FSTL4: variants seen among roughly 807,000 people sequenced by gnomAD.
FSTL4 encodes follistatin-related protein 4.
A neutral mutation model predicts 78.2 loss-of-function variants in FSTL4; 28 were observed. The observed-to-expected ratio is 0.36, with a 90% CI of 0.27 to 0.49. FSTL4 has a LOEUF of 0.49. Ranked by LOEUF, FSTL4 falls within the 20% of genes least tolerant of loss-of-function variation. The pLI is 0.98. For synonymous variants in FSTL4, 422 were observed against 440.5 expected, an observed-to-expected ratio of 0.96 and a Z score of 0.53; for missense variants, 922 against 1,084.9, an observed-to-expected ratio of 0.85 and a Z score of 2.11.
At chr5:133,401,826 A>G (rs974162803) in intron 3 of FSTL4, among the ~76,000 whole-genome samples, 2 of 152,072 alleles carry the variant, frequency 1.3e-5, no homozygotes, top group Non-Finnish European at 2.9e-5. Context: ...GGTCTCAGGT[A>G]GAAGACTAGA....
At chr5:133,515,236 G>T (rs1340164699) in intron 3 of FSTL4, among the ~76,000 whole-genome samples, 1 of 152,026 alleles carries the variant, frequency 6.6e-6, no homozygotes, top group East Asian at 1.9e-4. Flanking sequence ...AAACTAAGAA[G>T]TGGTACAGGG....
the FSTL4 span, among the ~76,000 whole-genome samples, chr5:133,790,640 G>A: frequency 6.6e-6 from 1 of 152,048 alleles, no homozygotes; most frequent in Admixed American, 6.5e-5. Context: ...ATGTCAACAG[G>A]CATCTCAGGA....
chr5:133,822,867 G>A, the FSTL4 span, among the ~76,000 whole-genome samples: 1 of 152,082 alleles, frequency 6.6e-6, no homozygotes, highest in Non-Finnish European at 1.5e-5. Flanking sequence ...AAGATATGTG[G>A]GAAGGAAATG....
At chr5:133,330,355 G>A (rs1754315172) in intron 4 of FSTL4, among the ~76,000 whole-genome samples, 1 of 152,228 alleles carries the variant, frequency 6.6e-6, no homozygotes, top group African/African-American at 2.4e-5. Flanking sequence ...AGCTTCTGGT[G>A]AGGCCTCAGG....
chr5:133,317,100 T>C (rs998836312), intron 4 of FSTL4, among the ~76,000 whole-genome samples: 3 of 148,982 alleles, frequency 2.0e-5, no homozygotes, highest in African/African-American at 7.4e-5. Context: ...GATTAGGGAG[T>C]TTTAGTTAAC....
chr5:133,376,717 C>T lies in FSTL4; in HGVS notation c.409+24021G>A, dbSNP rs960072613. Among the ~76,000 whole-genome samples the T allele has an allele frequency of 3.7e-4, 57 of 152,002 alleles. 1 individual carries two copies. Among genetic ancestry groups the T allele is most frequent in the African/African-American group, 1.2e-3 (50 of 41,438 alleles). ...CAACCTGACCAACATGGTGAAACTC[C>T]GTCTCTACTAAAAATACAAAAATTA... On this transcript the variant is annotated intron_variant, in intron 4 of 15. Coordinates refer to ENST00000265342, the MANE Select transcript of FSTL4 (RefSeq NM_015082.2).
chr5:133,578,086 A>G (rs756911442), intron 2 of FSTL4, among the ~76,000 whole-genome samples: 26 of 152,218 alleles, frequency 1.7e-4, no homozygotes, highest in Admixed American at 3.3e-4. Flanking sequence ...TAAGCCAGAG[A>G]GTTTAAAGGG....
the FSTL4 span, among the ~76,000 whole-genome samples, chr5:133,718,157 A>G: frequency 6.6e-6 from 1 of 151,938 alleles, no homozygotes; most frequent in Non-Finnish European, 1.5e-5. Flanking sequence ...CAGTGGCACA[A>G]TCTTGGCTCA....
chr5:133,612,803 G>C (rs1277729291), upstream of FSTL4, among the ~76,000 whole-genome samples: 1 of 152,152 alleles, frequency 6.6e-6, no homozygotes, highest in Non-Finnish European at 1.5e-5. The surrounding 1 kb of genome is among the most constrained non-coding windows in gnomAD (Gnocchi z 6.2). Context: ...CTTCACCTCT[G>C]CTCTCCTCCA....
chr5:133,756,820 T>A, the FSTL4 span, among the ~76,000 whole-genome samples: 2 of 152,156 alleles, frequency 1.3e-5, no homozygotes, highest in East Asian at 3.9e-4. Context: ...TGGGGGGTTG[T>A]AGTGGGAGGG....
At chr5:133,702,091 G>A in the FSTL4 span, among the ~76,000 whole-genome samples, 3 of 152,178 alleles carry the variant, frequency 2.0e-5, no homozygotes, top group Non-Finnish European at 2.9e-5. Context: ...ATATCCACAT[G>A]TCCCTAAGGA....
At chr5:133,297,624 A>G (rs1753430271) in intron 6 of FSTL4, among the ~76,000 whole-genome samples, 1 of 152,226 alleles carries the variant, frequency 6.6e-6, no homozygotes, top group South Asian at 2.1e-4. Context: ...AACAAATGTC[A>G]CAGCACAGCC....
At chr5:133,715,908 T>C in the FSTL4 span, among the ~76,000 whole-genome samples, 7 of 152,224 alleles carry the variant, frequency 4.6e-5, no homozygotes, top group African/African-American at 1.4e-4. Context: ...GTTCAACCAA[T>C]GCTTATTGAA....
chr5:133,267,055 C>T (rs1405905601), intron 6 of FSTL4, among the ~76,000 whole-genome samples: 1 of 152,244 alleles, frequency 6.6e-6, no homozygotes, highest in Non-Finnish European at 1.5e-5. Context: ...TGTGCTGTGT[C>T]TCCACACGTG....
chr5:133,607,129 G>T (rs17694055), intron 1 of FSTL4, among the ~76,000 whole-genome samples: 35,856 of 152,086 alleles, frequency 0.24, 4,460 homozygotes, highest in Admixed American at 0.33. Flanking sequence ...CAGCTTGTTT[G>T]TAAAGTTTAG....
rs987617559 is a variant in FSTL4, at chr5:133,198,996, T to G, written c.*99A>C. 2.9e-6 allele frequency: 2 copies of G among 679,768 alleles called. No individual in the cohort carries two copies. The highest frequency in any genetic ancestry group is 4.8e-6 in the Non-Finnish European group (2 of 415,248). 42.1% of individuals were successfully genotyped at this position (679,768 alleles called of 1,614,324 possible). On this transcript the variant is annotated 3_prime_UTR_variant, in exon 16 of 16. Transcript: ENST00000265342. ...TGTTGAACCACAAAGCGAGTACAGG[T>G]TTTTGCTTTTGTCTGTAAAAATGTA... is the stretch of plus-strand genomic sequence containing the variant.
At chr5:133,581,640 A>G (rs774378182) in intron 2 of FSTL4, among the ~76,000 whole-genome samples, 3 of 152,268 alleles carry the variant, frequency 2.0e-5, no homozygotes, top group Non-Finnish European at 4.4e-5. Context: ...CAATGAGGAC[A>G]GAAGTGGGCA....
the FSTL4 span, among the ~76,000 whole-genome samples, chr5:133,827,088 CT>C: frequency 6.6e-6 from 1 of 152,208 alleles, no homozygotes; most frequent in East Asian, 1.9e-4. Context: ...GAGCCATTTG[CT>C]TTCCCCACTC....
At chr5:133,755,735 C>T in the FSTL4 span, among the ~76,000 whole-genome samples, 3 of 152,228 alleles carry the variant, frequency 2.0e-5, no homozygotes, top group African/African-American at 7.2e-5. Context: ...GCACTGGGAG[C>T]TGAGACTCAC....
Sources: gnomAD v4.1 joint callset for allele counts (sites outside exome capture counted in the v4.1 genomes callset) on GRCh38, gnomAD v4.1.1 for gene constraint, Gnocchi (gnomAD v3.1) non-coding constraint, MANE v1.5 for transcripts, NCBI Gene and HGNC (gene_info 2026-07-23, HGNC 2026-07-21) for gene names.